Variants in MRPL42 observed in about 807,000 individuals in gnomAD.
MRPL42 encodes the protein large ribosomal subunit protein mL42.
A neutral mutation model predicts 17.9 loss-of-function variants in MRPL42; 17 were observed. The observed-to-expected ratio is 0.95, with a 90% confidence interval of 0.65 to 1.42. The LOEUF is 1.42. MRPL42 is among the 40% of genes most tolerant of loss of function. MRPL42 has a pLI of 0.00. For missense variants in MRPL42, 177 were observed against 175.2 expected (o/e 1.01, Z -0.06); for synonymous variants, 59 against 54.4 (o/e 1.08, Z -0.37).
At chr12:93,480,914 T>C (rs1002645297) in intron 4 of MRPL42, among the ~76,000 whole-genome samples, 3 of 152,166 alleles carry the variant, frequency 2.0e-5, no homozygotes, top group Admixed American at 1.3e-4. Context: ...CCAGGTATCA[T>C]AGGTACTAAT....
chr12:93,469,281 A>T lies in MRPL42; in HGVS notation c.-5A>T. 1 of 1,602,994 alleles carries T rather than the reference A, an allele frequency of 6.2e-7. No individual in the cohort carries two copies. Among genetic ancestry groups the T allele is most frequent in the Non-Finnish European group, 8.5e-7 (1 of 1,176,412 alleles). On this transcript the variant is annotated 5_prime_UTR_variant, in exon 2 of 6. Transcript: ENST00000549982. ...CATACCACTTGATAAGCATCTTGAA[A>T]CACCATGGCTGTAGCTGCAGTAAAA... is the stretch of plus-strand genomic sequence containing the variant.
intron 2 of MRPL42, among the ~76,000 whole-genome samples, chr12:93,475,190 C>T (rs569855832): frequency 2.0e-5 from 3 of 151,952 alleles, no homozygotes; most frequent in Non-Finnish European, 4.4e-5. Flanking sequence ...TCTTGTCTCA[C>T]GGCAACTTCT....
intron 4 of MRPL42, among the ~76,000 whole-genome samples, chr12:93,479,824 A>G (rs1393026143): frequency 1.3e-5 from 2 of 150,370 alleles, no homozygotes; most frequent in Non-Finnish European, 3.0e-5. Context: ...AGAAAGTTGT[A>G]TTTTAGAGTG....
intron 5 of MRPL42, among the ~76,000 whole-genome samples, chr12:93,495,158 C>T (rs540904112): frequency 6.6e-6 from 1 of 152,306 alleles, no homozygotes; most frequent in South Asian, 2.1e-4. Context: ...AAACCCTGTC[C>T]TTCCTCACCC....
rs1404194720 is a variant in MRPL42 at position 93,502,320 on chromosome 12, T to C, written c.*1099T>C. 1 of 152,208 alleles carries C rather than the reference T, an allele frequency of 6.6e-6. No homozygotes were observed. Among genetic ancestry groups the C allele is most frequent in the Non-Finnish European group, 1.5e-5 (1 of 68,036 alleles). 9.4% of individuals were successfully genotyped at this position (152,208 alleles called of 1,614,324 possible). A position where few individuals can be genotyped will look rare whatever the true frequency, so the allele number is the denominator to read the frequency against. On this transcript the variant is annotated 3_prime_UTR_variant, in exon 6 of 6. Coordinates refer to ENST00000549982, the MANE Select transcript of MRPL42 (RefSeq NM_014050.4). ...AGCTTATGTATGATCCTTAATAGCA[T>C]TGCTTCCCCTTCAGTTTCTATTTAG...
intron 2 of MRPL42, among the ~76,000 whole-genome samples, chr12:93,475,044 G>A (rs1205961807): frequency 6.6e-6 from 1 of 152,146 alleles, no homozygotes; most frequent in East Asian, 1.9e-4. Context: ...AATGAGCTGA[G>A]ATAGACAACT....
Position 93,501,191 on chromosome 12 carries a change from T to G in MRPL42, c.399T>G (p.Arg133=). The G allele has an allele frequency of 6.2e-7, 1 of 1,601,102 alleles. No individual in the cohort carries two copies. Among genetic ancestry groups the G allele is most frequent in the Non-Finnish European group, 8.5e-7 (1 of 1,175,850 alleles). ...WYPHGRYHRC[R]KNLNPPKDR is the part of the protein sequence containing the mutation. ...TCTTTTCAAGGTATCACAGATGTCG[T>G]AAGAATCTGAATCCTCCAAAAGACA... The change falls in exon 6 of 6, where the codon CGT becomes CGG. Residue 133 remains arginine, a synonymous_variant. Transcript: ENST00000549982.
rs761307556 is a variant in MRPL42 at position 93,479,469 on chromosome 12, A to C, written c.216A>C (p.Thr72=). The change falls in exon 4 of 6, where the codon ACA becomes ACC. Residue 72 remains threonine (T), a synonymous_variant. Coordinates refer to ENST00000549982, the MANE Select transcript of MRPL42 (RefSeq NM_014050.4). ...HPSVDIPYEH[T]KPIPRPDPVH... ...CTGTGGACATTCCATATGAACACAC[A>C]AAAGTATGTATGAGAAAATTTCTTG... 5.6e-6 allele frequency: 9 copies of C among 1,602,502 alleles called. No individual in the cohort carries two copies. The highest frequency in any genetic ancestry group is 8.5e-7 in the Non-Finnish European group (1 of 1,172,260).
At chr12:93,477,558 A>G (rs1040414700) in intron 3 of MRPL42, among the ~76,000 whole-genome samples, 3 of 152,206 alleles carry the variant, frequency 2.0e-5, no homozygotes, top group African/African-American at 7.2e-5. Context: ...ATTACAAATT[A>G]TAATAAAAAT....
At chr12:93,480,624 C>T (rs1425653089) in intron 4 of MRPL42, among the ~76,000 whole-genome samples, 1 of 151,682 alleles carries the variant, frequency 6.6e-6, no homozygotes, top group Non-Finnish European at 1.5e-5. Flanking sequence ...TCACAGCAGC[C>T]TCTGCCTCCT....
intron 5 of MRPL42, among the ~76,000 whole-genome samples, chr12:93,491,953 CTTTT>C (rs1010970171): frequency 6.6e-6 from 1 of 152,152 alleles, no homozygotes; most frequent in Non-Finnish European, 1.5e-5. Flanking sequence ...TGATTTTGTT[CTTTT>C]TTTATGTCTG....
At position 93,503,990 on chromosome 12, in the gene MRPL42, A is replaced by G. The variant is rs1175331131; in HGVS notation, c.*2769A>G. 2.3e-5 allele frequency: 3 copies of G among 132,830 alleles called. No individual in the cohort carries two copies. Among genetic ancestry groups the G allele is most frequent in the Non-Finnish European group, 4.8e-5 (3 of 62,806 alleles). 8.2% of individuals were successfully genotyped at this position (132,830 alleles called of 1,614,324 possible). A position where few individuals can be genotyped will look rare whatever the true frequency, so the allele number is the denominator to read the frequency against. ...CATTTTCTTTTTTTATTTTTTTTTT[A>G]AATTTATTTCTTCTTTTTTTTTTCT... is the stretch of plus-strand genomic sequence containing the variant. On this transcript the variant is annotated 3_prime_UTR_variant, in exon 6 of 6. Transcript: ENST00000549982.
intron 2 of MRPL42, among the ~76,000 whole-genome samples, chr12:93,474,861 C>T (rs1312460742): frequency 6.6e-6 from 1 of 151,202 alleles, no homozygotes; most frequent in African/African-American, 2.4e-5. Context: ...GAGGCCAAGG[C>T]GGGCTGGGCT....
chr12:93,473,723 G>A (rs1210022590), intron 2 of MRPL42, among the ~76,000 whole-genome samples: 3 of 151,752 alleles, frequency 2.0e-5, no homozygotes, highest in East Asian at 1.9e-4. Flanking sequence ...GAGCCACTAC[G>A]CTTGGCCTAT....
intron 2 of MRPL42, among the ~76,000 whole-genome samples, 196 bp from the exon 3 acceptor site, chr12:93,476,758 G>T (rs534498301): frequency 9.2e-5 from 14 of 152,270 alleles, no homozygotes; most frequent in Admixed American, 7.2e-4. Context: ...TTGTTTGTCT[G>T]TCTCTCTCAC....
chr12:93,500,618 G>A (rs919292714), intron 5 of MRPL42: 1 of 152,228 alleles, frequency 6.6e-6, no homozygotes, highest in East Asian at 1.9e-4. Context: ...AACAGAACAC[G>A]TTCATGTTCA....
In MRPL42 at chr12:93,515,047, G is replaced by A. The variant is rs1953766605; in HGVS notation, c.*13826G>A. The stretch of plus-strand genomic sequence containing the variant: ...TCTCCACCCTTCTTGATTCCTTTTC[G>A]GGAGAAAAGAAAAAAGTTTATTTTC... On this transcript the variant is annotated 3_prime_UTR_variant, in exon 6 of 6. Transcript: ENST00000549982. The A allele has an allele frequency of 6.6e-6, 1 of 151,934 alleles. No individual in the cohort carries two copies. The highest frequency in any genetic ancestry group is 6.6e-5 in the Admixed American group (1 of 15,266). 9.4% of individuals were successfully genotyped at this position (151,934 alleles called of 1,614,324 possible).
Position 93,470,057 on chromosome 12 carries a change from T to A in MRPL42, c.70+702T>A, listed in dbSNP as rs531981899. Among the ~76,000 whole-genome samples, 461 of 152,246 alleles carry A rather than the reference T, an allele frequency of 3.0e-3. 5 individuals carry two copies. The highest frequency in any genetic ancestry group is 0.011 in the African/African-American group (450 of 41,540). On this transcript the variant is annotated intron_variant, in intron 2 of 5. Coordinates refer to ENST00000549982, the MANE Select transcript of MRPL42 (RefSeq NM_014050.4). Reference sequence around the variant, plus strand: ...GGCGTGATTACTTTTTTAGTATTTCTTAAAATGTGCGAATAAAGGGTAAAT... The same window carrying A: ...GGCGTGATTACTTTTTTAGTATTTCATAAAATGTGCGAATAAAGGGTAAAT...
chr12:93,489,823 A>T (rs1372405247), intron 5 of MRPL42, among the ~76,000 whole-genome samples: 2 of 152,230 alleles, frequency 1.3e-5, no homozygotes, highest in African/African-American at 2.4e-5. Flanking sequence ...GGCGTGAGCC[A>T]CTGCTCCCGG....
Sources: allele counts gnomAD v4.1 joint callset (sites outside exome capture counted in the v4.1 genomes callset), GRCh38; gene constraint gnomAD v4.1.1; transcripts MANE v1.5; gene names NCBI Gene and HGNC (gene_info 2026-07-23, HGNC 2026-07-21).